GPR75: variants seen among roughly 807,000 people sequenced by gnomAD.
The protein encoded by GPR75 is probable G protein-coupled receptor 75.
GPR75 carries 27 observed loss-of-function variants against 26.0 expected under a neutral mutation model. The ratio of observed to expected loss-of-function variants is 1.04; its 90% confidence interval spans 0.77 to 1.43. GPR75 has a LOEUF of 1.43. GPR75 is among the 40% of genes most tolerant of loss of function. GPR75 has a pLI of 0.00. For missense variants in GPR75, 699 were observed against 662.3 expected, an observed-to-expected ratio of 1.06 and a Z score of -0.61; for synonymous variants, 285 against 256.3, an observed-to-expected ratio of 1.11 and a Z score of -1.07.
In GPR75 at chr2:53,853,114, A is replaced by G; in HGVS notation, c.*20T>C. On this transcript the variant is annotated 3_prime_UTR_variant, in exon 2 of 2. Transcript: ENST00000394705. ...CAGAAACAAAAACTGTTTACATAAG[A>G]TCCTATAGCCTCCATGACTTTAAAC... The G allele has an allele frequency of 6.3e-7, 1 of 1,581,406 alleles. No individual in the cohort carries two copies. The highest frequency in any genetic ancestry group is 8.7e-7 in the Non-Finnish European group (1 of 1,155,382).
At position 53,853,342 on chromosome 2, in the gene GPR75, G is replaced by T. The variant is rs780003934; in HGVS notation, c.1415C>A (p.Ser472Ter). 6.2e-7 allele frequency: 1 copy of T among 1,613,706 alleles called. No individual in the cohort carries two copies. Among genetic ancestry groups the T allele is most frequent in the Middle Eastern group, 1.6e-4 (1 of 6,062 alleles). ...TTCAATCCGAGTGTTGATGGGGGTC[G>T]AGCTGCTCTGACCACAGTGTTGATG... ...AGHQHCGQSS[S>*]TPINTRIEPY... The change falls in exon 2 of 2, where the codon TCG becomes TAG. Residue 472 changes from serine (S) to a stop codon, truncating the protein, a stop_gained. Transcript: ENST00000394705. LOFTEE classifies it high-confidence loss of function.
chr2:53,853,674 T>C lies in GPR75; in HGVS notation c.1083A>G (p.Gly361=). 1 of 1,613,660 alleles carries C rather than the reference T, an allele frequency of 6.2e-7. No individual in the cohort carries two copies. Among genetic ancestry groups the C allele is most frequent in the Non-Finnish European group, 8.5e-7 (1 of 1,179,730 alleles). The change falls in exon 2 of 2, where the codon GGA becomes GGG. Residue 361 remains glycine, a synonymous_variant. Transcript: ENST00000394705. ...SFILYQFELF[G]FTLIFFKSGL... ...CTGACTTGAAAAATATAAGAGTAAA[T>C]CCAAACAATTCAAACTGGTAAAGAA...
In GPR75 at chr2:53,853,150, G is replaced by A. The variant is rs1030819371; in HGVS notation, c.1607C>T (p.Pro536Leu). ...EYDSTSAKQI[P>L]VPSV ...TCCATGACTTTAAACGGAGGGGACT[G>A]GAATCTGCTTGGCTGAAGTGCTGTC... is the stretch of plus-strand genomic sequence containing the variant. Residue 536 changes from proline (P) to leucine (L), a missense_variant, in exon 2 of 2, where the codon CCA becomes CTA. Physicochemically the swap from Pro to Leu is moderately conservative, Grantham distance 98. Coordinates refer to ENST00000394705, the MANE Select transcript of GPR75 (RefSeq NM_006794.4). 2.9e-5 allele frequency: 47 copies of A among 1,613,208 alleles called. No individual in the cohort carries two copies. The highest frequency in any genetic ancestry group is 4.0e-5 in the Non-Finnish European group (47 of 1,179,224).
At chr2:53,855,062 C>T (rs1019142002) in intron 1 of GPR75, among the ~76,000 whole-genome samples, 197 bp from the exon 2 acceptor site, 3 of 152,034 alleles carry the variant, frequency 2.0e-5, no homozygotes, top group Admixed American at 6.6e-5. Context: ...CTCAAGCAGT[C>T]CTCCTGGCTT....
In GPR75 at chr2:53,854,042, G is replaced by A; in HGVS notation, c.715C>T (p.Pro239Ser). 1 of 1,614,194 alleles carries A rather than the reference G, an allele frequency of 6.2e-7. No homozygotes were observed. The highest frequency in any genetic ancestry group is 8.5e-7 in the Non-Finnish European group (1 of 1,180,032). ...LRKNAQVRKCPPVITVDASRP... is the reference protein window; with the variant it reads ...LRKNAQVRKCSPVITVDASRP... ...GAAGCATCGACTGTGATTACAGGGG[G>A]GCACTTTCTGACTTGAGCGTTCTTC... The change falls in exon 2 of 2, where the codon CCC (proline) becomes TCC (serine). Residue 239 changes from proline (P) to serine (S), a missense_variant. Coordinates refer to ENST00000394705, the MANE Select transcript of GPR75 (RefSeq NM_006794.4).
Position 53,853,660 on chromosome 2 carries a change from A to G in GPR75, c.1097T>C (p.Phe366Ser), listed in dbSNP as rs1272731285. ...AAAAGGGTTTAATCCTGACTTGAAA[A>G]ATATAAGAGTAAATCCAAACAATTC... ...QFELFGFTLI[F>S]FKSGLNPFIY... The change falls in exon 2 of 2, where the codon TTT (phenylalanine) becomes TCT (serine). Residue 366 changes from phenylalanine (F) to serine (S), a missense_variant. Phe to Ser is a radical substitution (Grantham distance 155). Coordinates refer to ENST00000394705, the MANE Select transcript of GPR75 (RefSeq NM_006794.4). The G allele has an allele frequency of 6.2e-7, 1 of 1,613,942 alleles. No individual in the cohort carries two copies. The highest frequency in any genetic ancestry group is 8.5e-7 in the Non-Finnish European group (1 of 1,179,930).
At position 53,854,525 on chromosome 2, in the gene GPR75, T is replaced by C; in HGVS notation, c.232A>G (p.Asn78Asp). Reference protein sequence around the residue: ...FDPAFRKFRTNFDFMILNLSF... With the variant: ...FDPAFRKFRTDFDFMILNLSF... ...AGGTTCAGGATCATGAAATCAAAGT[T>C]GGTTCTGAATTTCCTGAAGGCTGGA... is the stretch of plus-strand genomic sequence containing the variant. Residue 78 changes from asparagine (N) to aspartate (D), a missense_variant, in exon 2 of 2, where the codon AAC becomes GAC. Coordinates refer to ENST00000394705, the MANE Select transcript of GPR75 (RefSeq NM_006794.4). 3 of 1,614,048 alleles carry C rather than the reference T, an allele frequency of 1.9e-6. No individual in the cohort carries two copies. The highest frequency in any genetic ancestry group is 2.5e-6 in the Non-Finnish European group (3 of 1,179,984).
chr2:53,857,571 G>GA (rs1475115671), intron 1 of GPR75, among the ~76,000 whole-genome samples: 6 of 151,978 alleles, frequency 3.9e-5, no homozygotes, highest in Admixed American at 3.3e-4. Flanking sequence ...AAGTTATGAA[G>GA]ACCTCAGGCT....
At position 53,853,813 on chromosome 2, in the gene GPR75, T is replaced by C. The variant is rs1678153226; in HGVS notation, c.944A>G (p.Lys315Arg). 6.2e-7 allele frequency: 1 copy of C among 1,614,040 alleles called. No homozygotes were observed. The highest frequency in any genetic ancestry group is 1.1e-5 in the South Asian group (1 of 91,080). The change falls in exon 2 of 2, where the codon AAG (lysine) becomes AGG (arginine). Residue 315 changes from lysine (K) to arginine (R), a missense_variant. Physicochemically the swap from Lys to Arg is conservative, Grantham distance 26 (BLOSUM62 2). Coordinates refer to ENST00000394705, the MANE Select transcript of GPR75 (RefSeq NM_006794.4). ...LVSAINLSTA[K>R]DSKAVVTCVI... ...ACAGGTGACCACGGCTTTGGAATCC[T>C]TGGCAGTGGAGAGGTTGATGGCTGA... is the stretch of plus-strand genomic sequence containing the variant.
chr2:53,857,430 G>C (rs1678261615), intron 1 of GPR75, among the ~76,000 whole-genome samples: 1 of 152,050 alleles, frequency 6.6e-6, no homozygotes, highest in African/African-American at 2.4e-5. Context: ...CCTCTTTGGA[G>C]GTAGAGAGAT....
At chr2:53,858,055 A>G (rs1678277495) in intron 1 of GPR75, among the ~76,000 whole-genome samples, 2 of 152,216 alleles carry the variant, frequency 1.3e-5, no homozygotes, top group African/African-American at 2.4e-5. Flanking sequence ...AATACTTGAT[A>G]TAACATCTCC....
At chr2:53,859,117 T>C (rs1678306831) in intron 1 of GPR75, among the ~76,000 whole-genome samples, 1 of 150,686 alleles carries the variant, frequency 6.6e-6, no homozygotes, top group Non-Finnish European at 1.5e-5. Flanking sequence ...CTATAGGGGC[T>C]TTCATAAATC....
intron 1 of GPR75, among the ~76,000 whole-genome samples, chr2:53,857,974 C>G (rs1350475475): frequency 1.3e-5 from 2 of 152,116 alleles, no homozygotes; most frequent in African/African-American, 4.8e-5. Flanking sequence ...TTATCAAGTG[C>G]TTATGATGTG....
At chr2:53,859,542 G>A (rs1040930369) in intron 1 of GPR75, among the ~76,000 whole-genome samples, 1 of 149,866 alleles carries the variant, frequency 6.7e-6, no homozygotes, top group Non-Finnish European at 1.5e-5. Context: ...GCCTAGGCCG[G>A]GCCAGGTAAG....
chr2:53,859,245 T>C (rs1242024605), intron 1 of GPR75, among the ~76,000 whole-genome samples: 1 of 151,948 alleles, frequency 6.6e-6, no homozygotes, highest in African/African-American at 2.4e-5. Flanking sequence ...GTGATTCCCA[T>C]TGTATTTCTA....
Position 53,854,257 on chromosome 2 carries a change from A to T in GPR75, c.500T>A (p.Leu167His). 6.2e-7 allele frequency: 1 copy of T among 1,614,074 alleles called. No homozygotes were observed. The highest frequency in any genetic ancestry group is 1.3e-5 in the African/African-American group (1 of 75,016). ...AAGGGTGAAACTGGTGGCCCAGAGA[A>T]GCAGGGTGAGGAGTACGGTGCAGGG... ...SFPCTVLLTL[L>H]LWATSFTLAT... The change falls in exon 2 of 2, where the codon CTT becomes CAT. Residue 167 changes from leucine (L) to histidine (H), a missense_variant. Leu to His is a moderately conservative substitution (Grantham distance 99). Coordinates refer to ENST00000394705, the MANE Select transcript of GPR75 (RefSeq NM_006794.4).
intron 1 of GPR75, 81 bp downstream of exon 1, chr2:53,859,747 C>A: frequency 8.9e-7 from 1 of 1,118,374 alleles, no homozygotes; most frequent in Non-Finnish European, 1.2e-6. Context: ...CGCAGCCGCG[C>A]TCCTCGCTAT....
intron 1 of GPR75, among the ~76,000 whole-genome samples, chr2:53,855,874 C>G (rs922985522): frequency 2.0e-5 from 3 of 152,124 alleles, no homozygotes; most frequent in Non-Finnish European, 2.9e-5. Flanking sequence ...ACATATTCTC[C>G]TTTGGAAAAA....
Position 53,853,601 on chromosome 2 carries a change from T to C in GPR75, c.1156A>G (p.Lys386Glu), listed in dbSNP as rs1184515780. Residue 386 changes from lysine (K) to glutamate (E), a missense_variant, in exon 2 of 2, where the codon AAA becomes GAA. Transcript: ENST00000394705. ...YSRNSAGLRRKVLWCLQYIGL... is the reference protein window; with the variant it reads ...YSRNSAGLRREVLWCLQYIGL... ...ATGTATTGGAGGCACCAGAGCACTT[T>C]CCTTCTCAGCCCTGCACTGTTCCGA... 1 of 1,614,012 alleles carries C rather than the reference T, an allele frequency of 6.2e-7. No individual in the cohort carries two copies. Among genetic ancestry groups the C allele is most frequent in the Admixed American group, 1.7e-5 (1 of 60,036 alleles).
Sources: gnomAD v4.1 joint callset for allele counts (sites outside exome capture counted in the v4.1 genomes callset) on GRCh38, gnomAD v4.1.1 for gene constraint, MANE v1.5 for transcripts, NCBI Gene and HGNC (gene_info 2026-07-23, HGNC 2026-07-21) for gene names.